MXRA5: variants seen among roughly 807,000 people sequenced by gnomAD.
The protein encoded by MXRA5 is matrix remodeling associated 5.
A neutral mutation model predicts 112.5 loss-of-function variants in MXRA5; 41 were observed. That is an observed-to-expected ratio of 0.36 (90% CI 0.28 to 0.47). The LOEUF is 0.47. MXRA5 is among the 20% of genes least tolerant of loss of function. MXRA5 has a pLI of 0.99. For synonymous variants in MXRA5, 862 were observed against 900.8 expected, an observed-to-expected ratio of 0.96 and a Z score of 0.77; for missense variants, 2,150 against 2,251.0, an observed-to-expected ratio of 0.96 and a Z score of 0.91.
intron 2 of MXRA5, among the ~76,000 whole-genome samples, chrX:3,332,284 C>T (rs1187394153): frequency 1.8e-5 from 2 of 110,201 alleles, no homozygotes; most frequent in Non-Finnish European, 3.8e-5. Context: ...CTCGCTCTGT[C>T]GCCCAGTCTG....
Position 3,322,962 on chromosome X carries a change from G to A in MXRA5, c.2723C>T (p.Thr908Ile), listed in dbSNP as rs1038567998. ...ITSTEGDLKG[T>I]AAPTLISEPY... ...CTCAGATATAAGTGTAGGGGCTGCT[G>A]TCCCCTTCAGGTCTCCTTCAGTGGA... The change falls in exon 5 of 7, where the codon ACA (threonine) becomes ATA (isoleucine). Residue 908 changes from threonine to isoleucine, a missense_variant. Physicochemically the swap from Thr to Ile is moderately conservative, Grantham distance 89. Around this residue, in one of 6 missense-constraint regions of MXRA5, gnomAD observed 1,485 missense variants for 1,471.6 expected, o/e 1.01. Transcript: ENST00000217939. The A allele has an allele frequency of 8.3e-7, 1 of 1,209,087 alleles. No individual in the cohort carries two copies. The highest frequency in any genetic ancestry group is 1.1e-6 in the Non-Finnish European group (1 of 894,887).
Position 3,310,143 on chromosome X carries a change from C to A in MXRA5, c.8060G>T (p.Arg2687Leu). 8.3e-7 allele frequency: 1 copy of A among 1,211,635 alleles called. No individual in the cohort carries two copies. Among genetic ancestry groups the A allele is most frequent in the Non-Finnish European group, 1.1e-6 (1 of 895,445 alleles). The change falls in exon 7 of 7, where the codon CGC becomes CTC. Residue 2687 changes from arginine (R) to leucine (L), a missense_variant. By Grantham distance (102) the Arg-to-Leu change is moderately radical. Coordinates refer to ENST00000217939, the MANE Select transcript of MXRA5 (RefSeq NM_015419.4). ...MHLEGPQTLG[R>L]VSLLDNGTLT... ...GGTGCCATTGTCCAGAAGAGAAACG[C>A]GTCCCAGGGTTTGGGGGCCCTCCAG...
rs141035707 is a variant in MXRA5, at chrX:3,324,321, T to C, written c.1364A>G (p.Tyr455Cys). ...QSTAKKVLLS[Y>C]YTQYSQTIST... is the part of the protein sequence containing the mutation. ...TATTGTTTGAGAATACTGGGTGTAG[T>C]AGGAAAGTAGCACCTTCTTGGCCGT... Residue 455 changes from tyrosine (Y) to cysteine (C), a missense_variant, in exon 5 of 7, where the codon TAC (tyrosine) becomes TGC (cysteine). Around this residue, in one of 6 missense-constraint regions of MXRA5, gnomAD observed 386 missense variants for 411.0 expected, o/e 0.94. Coordinates refer to ENST00000217939, the MANE Select transcript of MXRA5 (RefSeq NM_015419.4). 2.6e-5 allele frequency: 32 copies of C among 1,209,533 alleles called. No homozygotes were observed. The African/African-American group carries it at 4.9e-4, about 19-fold the overall frequency.
At chrX:3,330,832 T>C (rs1165109678) in intron 2 of MXRA5, 59 bp from the exon 3 acceptor site, 2 of 845,405 alleles carry the variant, frequency 2.4e-6, no homozygotes, top group African/African-American at 4.2e-5. Flanking sequence ...AAATAGCGAA[T>C]ACTTAACTCC....
At position 3,323,239 on chromosome X, in the gene MXRA5, C is replaced by T; in HGVS notation, c.2446G>A (p.Glu816Lys). Reference sequence around the variant, plus strand: ...ATAGCAGGAAAAGGTGGTGTGACTTCTAGACTCAAGGATGGAGGACTTGTG... The same window carrying T: ...ATAGCAGGAAAAGGTGGTGTGACTTTTAGACTCAAGGATGGAGGACTTGTG... ...KTTSPPSLSL[E>K]VTPPFPAISP... The change falls in exon 5 of 7, where the codon GAA becomes AAA. Residue 816 changes from glutamate to lysine, a missense_variant. Physicochemically the swap from Glu to Lys is moderately conservative, Grantham distance 56 (BLOSUM62 1). Transcript: ENST00000217939. The T allele has an allele frequency of 8.3e-7, 1 of 1,211,542 alleles. No individual in the cohort carries two copies.
At position 3,343,777 on chromosome X, in the gene MXRA5, G is replaced by A. The variant is rs754358803; in HGVS notation, c.57C>T (p.Gly19=). 2.2e-5 allele frequency: 27 copies of A among 1,209,566 alleles called. No individual in the cohort carries two copies. Among genetic ancestry groups the A allele is most frequent in the Non-Finnish European group, 2.0e-5 (18 of 895,014 alleles). ...ALSVVLILLW[G]HPRVALACPH... Reference sequence around the variant, plus strand: ...GGCAGGCCAGCGCCACTCGCGGATGGCCCCAAAGCAGGATCAGCACCACGG... The same window carrying A: ...GGCAGGCCAGCGCCACTCGCGGATGACCCCAAAGCAGGATCAGCACCACGG... The change falls in exon 2 of 7, where the codon GGC becomes GGT. Residue 19 remains glycine, a synonymous_variant. Transcript: ENST00000217939.
chrX:3,340,447 T>C (rs1921888703), intron 2 of MXRA5, among the ~76,000 whole-genome samples: 1 of 112,074 alleles, frequency 8.9e-6, no homozygotes, highest in Non-Finnish European at 1.9e-5. Context: ...TCAAGTAGTA[T>C]ATTAGTTCCT....
intron 2 of MXRA5, among the ~76,000 whole-genome samples, chrX:3,337,475 G>GTATC (rs888372489): frequency 1.1e-3 from 128 of 111,551 alleles, no homozygotes; most frequent in Non-Finnish European, 1.2e-3. Context: ...CCCTCTGTCT[G>GTATC]TATCTATCTA....
intron 6 of MXRA5, 138 bp downstream of exon 6, chrX:3,316,965 C>G: frequency 2.6e-6 from 2 of 755,418 alleles, no homozygotes; most frequent in East Asian, 3.6e-5. Flanking sequence ...CGTGAGCCAC[C>G]GTGCCCTGCT....
rs768823222 is a variant in MXRA5 at position 3,330,282 on chromosome X, C to T, written c.445G>A (p.Gly149Ser). ...IEFIHPQAFN[G>S]LTSLRLLHLE... ...TGGAGTAGCCTCAGAGACGTTAAGC[C>T]GTTGAAAGCTTGAGGGTGGATAAAC... is the stretch of plus-strand genomic sequence containing the variant. The change falls in exon 4 of 7, where the codon GGC becomes AGC. Residue 149 changes from glycine to serine, a missense_variant. Coordinates refer to ENST00000217939, the MANE Select transcript of MXRA5 (RefSeq NM_015419.4). The T allele has an allele frequency of 3.8e-5, 46 of 1,208,934 alleles. No homozygotes were observed. The highest frequency in any genetic ancestry group is 1.1e-4 in the Admixed American group (5 of 45,547).
chrX:3,313,557 G>A (rs1040903230), intron 6 of MXRA5, among the ~76,000 whole-genome samples: 2 of 112,533 alleles, frequency 1.8e-5, no homozygotes, highest in African/African-American at 6.5e-5. Flanking sequence ...ACTGCGCCTG[G>A]CTCAATATTT....
rs200611623 is a variant in MXRA5, at chrX:3,320,332, G to A, written c.5353C>T (p.Pro1785Ser). The change falls in exon 5 of 7, where the codon CCG (proline) becomes TCG (serine). Residue 1785 changes from proline to serine, a missense_variant. Pro to Ser is a moderately conservative substitution (Grantham distance 74). This residue lies in a region of MXRA5 where 1,485 missense variants were observed against 1,471.6 expected (regional missense o/e 1.01). Coordinates refer to ENST00000217939, the MANE Select transcript of MXRA5 (RefSeq NM_015419.4). ...GGAGTGTGCAACAACGGAGGTGCCG[G>A]AGGGCCAAAGTCCAGATGGAAGGTG... The part of the protein sequence containing the change: ...HSTFHLDFGP[P>S]APPLLHTPQT... 8.3e-7 allele frequency: 1 copy of A among 1,210,350 alleles called. No individual in the cohort carries two copies. Among genetic ancestry groups the A allele is most frequent in the East Asian group, 3.0e-5 (1 of 33,748 alleles).
chrX:3,322,199 G>A lies in MXRA5; in HGVS notation c.3486C>T (p.Phe1162=), dbSNP rs146079127. 3.4e-5 allele frequency: 41 copies of A among 1,188,824 alleles called. No homozygotes were observed. In the African/African-American group the frequency reaches 6.4e-4, roughly 19 times the overall value. ...GTGGGGTTTGCTTGTGCCGGTGGCG[G>A]AATTTGTTGGGGCGTAATCTCCTTC... ...NGRRRLRPNK[F]RHRHKQTPPT... is the part of the protein sequence containing the mutation. The change falls in exon 5 of 7, where the codon TTC becomes TTT. Residue 1162 remains phenylalanine (F), a synonymous_variant. Coordinates refer to ENST00000217939, the MANE Select transcript of MXRA5 (RefSeq NM_015419.4).
chrX:3,318,970 C>T (rs146367323), intron 5 of MXRA5, among the ~76,000 whole-genome samples: 2,804 of 111,427 alleles, frequency 0.025, 92 homozygotes, highest in African/African-American at 0.086. Flanking sequence ...GACAGACAAA[C>T]ACTGCATGAT....
At position 3,324,116 on chromosome X, in the gene MXRA5, C is replaced by A; in HGVS notation, c.1569G>T (p.Ala523=). 8.3e-7 allele frequency: 1 copy of A among 1,210,740 alleles called. No homozygotes were observed. The highest frequency in any genetic ancestry group is 2.3e-4 in the Middle Eastern group (1 of 4,349). The change falls in exon 5 of 7, where the codon GCG becomes GCT. Residue 523 remains alanine, a synonymous_variant. Coordinates refer to ENST00000217939, the MANE Select transcript of MXRA5 (RefSeq NM_015419.4). ...WVLPDGSILK[A]PMDDPDSKFS... is the part of the protein sequence containing the mutation. ...ACTTGCTGTCTGGGTCATCCATGGG[C>A]GCTTTCAGGATGGAGCCATCTGGAA...
At chrX:3,325,905 A>C (rs1186748816) in intron 4 of MXRA5, among the ~76,000 whole-genome samples, 16 of 31,963 alleles carry the variant, frequency 5.0e-4, no homozygotes, top group African/African-American at 1.2e-3. Context: ...ATAATGTATA[A>C]TTTTAAATCA....
chrX:3,339,411 CCCA>C (rs911141771), intron 2 of MXRA5, among the ~76,000 whole-genome samples: 2 of 110,577 alleles, frequency 1.8e-5, no homozygotes, highest in African/African-American at 6.6e-5. Flanking sequence ...ACTACAGGAG[CCCA>C]CCACCACGCC....
chrX:3,311,158 G>A lies in MXRA5; in HGVS notation c.7045C>T (p.Arg2349Trp), dbSNP rs369042203. The change falls in exon 7 of 7, where the codon CGG becomes TGG. Residue 2349 changes from arginine (R) to tryptophan (W), a missense_variant. Transcript: ENST00000217939. Reference protein sequence around the residue: ...VKVVTAPATIRNKTYLAVQVP... With the variant: ...VKVVTAPATIWNKTYLAVQVP... ...TGAACCGCCAAGTAAGTCTTGTTCC[G>A]GATGGTGGCGGGCGCTGTCACCACC... 53 of 1,209,530 alleles carry A rather than the reference G, an allele frequency of 4.4e-5. No individual in the cohort carries two copies. The highest frequency in any genetic ancestry group is 3.3e-4 in the South Asian group (19 of 56,754).
At chrX:3,332,801 C>T (rs1013047256) in intron 2 of MXRA5, among the ~76,000 whole-genome samples, 1 of 111,798 alleles carries the variant, frequency 8.9e-6, no homozygotes, top group Non-Finnish European at 1.9e-5. Flanking sequence ...GTCAGCTAAG[C>T]TCTGCTTTAT....
Sources: gnomAD v4.1 joint callset for allele counts (sites outside exome capture counted in the v4.1 genomes callset) on GRCh38, gnomAD v4.1.1 for gene constraint, gnomAD v4.1.1 regional missense constraint, MANE v1.5 for transcripts, NCBI Gene and HGNC (gene_info 2026-07-23, HGNC 2026-07-21) for gene names.